Variants in CPLX1 observed in about 807,000 individuals in gnomAD.
The protein encoded by CPLX1 is complexin-1.
CPLX1 carries 6 observed loss-of-function variants against 15.6 expected under a neutral mutation model. The observed-to-expected ratio is 0.39, with a 90% CI of 0.21 to 0.76. The LOEUF is 0.76. CPLX1 is among the 30% of genes least tolerant of loss of function. The pLI is 0.43. For missense variants in CPLX1, 242 were observed against 188.6 expected (o/e 1.28, Z -1.66); for synonymous variants, 91 against 75.2 (o/e 1.21, Z -1.08).
intron 2 of CPLX1, among the ~76,000 whole-genome samples, chr4:795,802 GGGT>G: frequency 6.7e-6 from 1 of 149,242 alleles, no homozygotes; most frequent in East Asian, 1.9e-4. Flanking sequence ...GGTGGAGAGG[GGGT>G]GGGGGGGGGG....
intron 2 of CPLX1, among the ~76,000 whole-genome samples, chr4:800,925 G>C (rs548143970): frequency 1.1e-3 from 166 of 151,856 alleles, no homozygotes; most frequent in African/African-American, 3.9e-3. Context: ...GCTGAGGCAG[G>C]AGAATTATTT....
intron 3 of CPLX1, chr4:787,377 C>T (rs933033163): frequency 1.3e-5 from 13 of 985,150 alleles, no homozygotes; most frequent in East Asian, 1.1e-4. Flanking sequence ...GTCTGCCCTC[C>T]GTAGTAGCTG....
chr4:804,229 C>T (rs1746513036), intron 2 of CPLX1, among the ~76,000 whole-genome samples: 1 of 152,198 alleles, frequency 6.6e-6, no homozygotes, highest in Non-Finnish European at 1.5e-5. Context: ...TCTCTTTCTC[C>T]GTCTCTCCCA....
At chr4:818,639 T>A (rs1349543888) in intron 2 of CPLX1, among the ~76,000 whole-genome samples, 1 of 152,216 alleles carries the variant, frequency 6.6e-6, no homozygotes, top group African/African-American at 2.4e-5. Context: ...GCCATGTGAG[T>A]GACGGGAAGA....
At position 792,617 on chromosome 4, in the gene CPLX1, G is replaced by A; in HGVS notation, c.32-9C>T. 15 of 1,608,192 alleles carry A rather than the reference G, an allele frequency of 9.3e-6. No homozygotes were observed. The highest frequency in any genetic ancestry group is 1.3e-5 in the Non-Finnish European group (15 of 1,177,086). ...CATGTCCTTGGTGGCCCCTGGTACA[G>A]AAGTTGGTGATTCAGACCGCCCCAT... On this transcript the variant is annotated splice_polypyrimidine_tract_variant and intron_variant, in intron 2 of 3. Transcript: ENST00000304062.
At chr4:793,610 G>A (rs1746247740) in intron 2 of CPLX1, among the ~76,000 whole-genome samples, 1 of 152,222 alleles carries the variant, frequency 6.6e-6, no homozygotes, top group Admixed American at 6.5e-5. Context: ...TGGCAGAGCG[G>A]CCAGGCTCCT....
rs1465172649 is a variant in CPLX1, at chr4:824,496, T to C, written c.27A>G (p.Leu9=). Residue 9 remains leucine, a synonymous_variant, in exon 2 of 4, where the codon CTA becomes CTG. Transcript: ENST00000304062. ...ACCCCACCTCCCGCTTCCTACCTCC[T>C]AGAGCCTGCTTCATCACAAACTCCA... MEFVMKQA[L]GGATKDMGKM... is the part of the protein sequence containing the mutation. The C allele has an allele frequency of 6.2e-7, 1 of 1,611,242 alleles. No individual in the cohort carries two copies. The highest frequency in any genetic ancestry group is 8.5e-7 in the Non-Finnish European group (1 of 1,178,450).
intron 2 of CPLX1, among the ~76,000 whole-genome samples, chr4:801,309 G>A (rs1230806989): frequency 1.3e-5 from 2 of 151,702 alleles, no homozygotes; most frequent in East Asian, 1.9e-4. Flanking sequence ...GTGACAGAGC[G>A]AGACTCTGTC....
intron 2 of CPLX1, among the ~76,000 whole-genome samples, chr4:816,213 ATTTTTTT>A (rs34183163): frequency 4.3e-5 from 5 of 115,042 alleles, no homozygotes; most frequent in East Asian, 2.5e-4. Flanking sequence ...TCTCCGTGAA[ATTTTTTT>A]TTTTTTTTTT....
intron 2 of CPLX1, among the ~76,000 whole-genome samples, chr4:808,343 G>A (rs1746596180): frequency 6.6e-6 from 1 of 152,050 alleles, no homozygotes; most frequent in South Asian, 2.1e-4. Flanking sequence ...TTAAAACCAC[G>A]GTTACCACAT....
At chr4:823,441 G>A (rs532273540) in intron 2 of CPLX1, among the ~76,000 whole-genome samples, 28 of 152,168 alleles carry the variant, frequency 1.8e-4, no homozygotes, top group African/African-American at 6.0e-4. Context: ...CCTCGAACCC[G>A]GCCAGCTCCC....
chr4:799,462 C>A (rs1276430366), intron 2 of CPLX1, among the ~76,000 whole-genome samples: 1 of 152,180 alleles, frequency 6.6e-6, no homozygotes, highest in African/African-American at 2.4e-5. Flanking sequence ...GGGGTGGAAG[C>A]TCCTCAGAAG....
At position 786,345 on chromosome 4, in the gene CPLX1, G is replaced by A. The variant is rs886329860; in HGVS notation, c.*156C>T. The A allele has an allele frequency of 2.0e-5, 15 of 742,370 alleles. No homozygotes were observed. The highest frequency in any genetic ancestry group is 3.0e-5 in the Non-Finnish European group (15 of 507,850). 46.0% of individuals were successfully genotyped at this position (742,370 alleles called of 1,614,324 possible). A position where few individuals can be genotyped will look rare whatever the true frequency, so the allele number is the denominator to read the frequency against. On this transcript the variant is annotated 3_prime_UTR_variant, in exon 4 of 4. Transcript: ENST00000304062. ...GGGGTCCTGGGGGCGCGCGCCCCTTGCCGGGTGAGGGAGGCGGCGGGCGCG... is the reference window on the plus strand; with the variant it reads ...GGGGTCCTGGGGGCGCGCGCCCCTTACCGGGTGAGGGAGGCGGCGGGCGCG...
chr4:815,432 A>AG (rs1746734497), intron 2 of CPLX1, among the ~76,000 whole-genome samples: 1 of 150,804 alleles, frequency 6.6e-6, no homozygotes, highest in African/African-American at 2.4e-5. Context: ...AAAAAAAAAG[A>AG]ACTACAGAAC....
intron 3 of CPLX1, chr4:788,100 C>T: frequency 1.0e-6 from 1 of 985,430 alleles, no homozygotes; most frequent in Non-Finnish European, 1.2e-6. Flanking sequence ...GATCACCAGC[C>T]ACAGGGAGGG....
At chr4:810,552 G>T (rs2152646866) in intron 2 of CPLX1, among the ~76,000 whole-genome samples, 1 of 152,350 alleles carries the variant, frequency 6.6e-6, no homozygotes, top group African/African-American at 2.4e-5. Flanking sequence ...TCACCCTAGT[G>T]GGTGTGGCAG....
intron 2 of CPLX1, among the ~76,000 whole-genome samples, chr4:817,957 G>C (rs1409479373): frequency 2.0e-5 from 3 of 152,180 alleles, no homozygotes; most frequent in Admixed American, 6.5e-5. Context: ...GTCTGACAGG[G>C]GACACTGGAG....
intron 2 of CPLX1, among the ~76,000 whole-genome samples, chr4:818,272 C>T (rs370995518): frequency 6.6e-6 from 1 of 152,218 alleles, no homozygotes; most frequent in African/African-American, 2.4e-5. Context: ...CTGACCTGCT[C>T]ACCTGCTGAC....
At chr4:790,440 C>A (rs563849899) in intron 3 of CPLX1, among the ~76,000 whole-genome samples, 1 of 152,182 alleles carries the variant, frequency 6.6e-6, no homozygotes, top group Non-Finnish European at 1.5e-5. Context: ...GAGGTGCTTA[C>A]GCTTCCCCCT....
Sources: allele counts gnomAD v4.1 joint callset (sites outside exome capture counted in the v4.1 genomes callset), GRCh38; gene constraint gnomAD v4.1.1; transcripts MANE v1.5; gene names NCBI Gene and HGNC (gene_info 2026-07-23, HGNC 2026-07-21).